The following UBE3C variants were observed in gnomAD, a reference collection of about 807,000 sequenced individuals.
The protein encoded by UBE3C is ubiquitin-protein ligase E3C.
Under a neutral mutation model 129.4 loss-of-function variants are expected in UBE3C, and 42 were observed. The ratio of observed to expected loss-of-function variants is 0.32; its 90% CI spans 0.25 to 0.42. The LOEUF is 0.42. Among genes scored for constraint, UBE3C ranks in the 10% least tolerant of loss-of-function variants. The pLI is 1.00. For missense variants in UBE3C, 1,049 were observed against 1,319.1 expected (o/e 0.80, Z 3.17); for synonymous variants, 510 against 492.4 (o/e 1.04, Z -0.47).
intron 5 of UBE3C, among the ~76,000 whole-genome samples, chr7:157,176,860 T>A (rs1808532006): frequency 6.6e-6 from 1 of 152,178 alleles, no homozygotes; most frequent in Non-Finnish European, 1.5e-5. Context: ...TGATGAGAAA[T>A]GGAATTTTAA....
intron 5 of UBE3C, among the ~76,000 whole-genome samples, chr7:157,176,517 C>T (rs1458504201): frequency 1.3e-5 from 2 of 152,194 alleles, no homozygotes; most frequent in South Asian, 2.1e-4. Flanking sequence ...TCAGGTCATC[C>T]GCCTGCCTTG....
chr7:157,167,234 C>A (rs1808242138), intron 2 of UBE3C, among the ~76,000 whole-genome samples: 1 of 151,636 alleles, frequency 6.6e-6, no homozygotes, highest in Admixed American at 6.6e-5. Context: ...CCCGACCTCA[C>A]AGGATTTTTT....
In UBE3C at chr7:157,268,455, G is replaced by T. The variant is rs1344864678; in HGVS notation, c.*700G>T. On this transcript the variant is annotated 3_prime_UTR_variant, in exon 23 of 23. Coordinates refer to ENST00000348165, the MANE Select transcript of UBE3C (RefSeq NM_014671.3). Reference sequence around the variant, plus strand: ...TGTCCTATTTCTATCTCCACTTTGTGCCTGGAGAGCTTTCAGGGGAGGTGG... The same window carrying T: ...TGTCCTATTTCTATCTCCACTTTGTTCCTGGAGAGCTTTCAGGGGAGGTGG... The T allele has an allele frequency of 1.3e-5, 2 of 152,646 alleles. No homozygotes were observed. Among genetic ancestry groups the T allele is most frequent in the African/African-American group, 4.8e-5 (2 of 41,440 alleles). The allele number at this position is 152,646 out of a possible 1,614,324, so 9.5% of individuals were successfully genotyped here.
At position 157,169,041 on chromosome 7, in the gene UBE3C, T is replaced by C. The variant is rs772459679; in HGVS notation, c.121-7T>C. 2 of 1,612,720 alleles carry C rather than the reference T, an allele frequency of 1.2e-6. No individual in the cohort carries two copies. The highest frequency in any genetic ancestry group is 1.7e-6 in the Non-Finnish European group (2 of 1,178,910). On this transcript the variant is annotated splice_region_variant and splice_polypyrimidine_tract_variant and intron_variant, in intron 2 of 22. Coordinates refer to ENST00000348165, the MANE Select transcript of UBE3C (RefSeq NM_014671.3). ...ATTGCTCCCTCACTCCTCCTTTTAT[T>C]GTTTAGGAAGAAAGGCGAAGGTTGA... is the stretch of plus-strand genomic sequence containing the variant.
chr7:157,264,497 G>A (rs1017318444), intron 22 of UBE3C, among the ~76,000 whole-genome samples: 11 of 143,230 alleles, frequency 7.7e-5, no homozygotes, highest in Non-Finnish European at 4.5e-5. Flanking sequence ...ACAGGTGTGC[G>A]CCAACATGCT....
chr7:157,248,957 G>T (rs1273636123), intron 19 of UBE3C, among the ~76,000 whole-genome samples: 5 of 152,242 alleles, frequency 3.3e-5, no homozygotes, highest in South Asian at 4.1e-4. Flanking sequence ...CACCTCAGCT[G>T]CTCCAGCACT....
intron 1 of UBE3C, among the ~76,000 whole-genome samples, chr7:157,143,388 G>A (rs557934928): frequency 3.3e-5 from 5 of 152,318 alleles, no homozygotes; most frequent in Non-Finnish European, 5.9e-5. Context: ...GGATAGGCGT[G>A]TCTGACAGAA....
chr7:157,208,053 GACTTTTTT>G (rs1809485951), intron 13 of UBE3C, 118 bp downstream of exon 13: 1 of 89,444 alleles, frequency 1.1e-5, no homozygotes, highest in East Asian at 3.8e-4. Flanking sequence ...TAATTTGCAA[GACTTTTTT>G]TTTTTTTTTT....
chr7:157,222,835 C>T (rs1795775179), intron 15 of UBE3C: 1 of 190,640 alleles, frequency 5.2e-6, no homozygotes, highest in Non-Finnish European at 1.1e-5. Context: ...GGCACCATCT[C>T]ATGCACACAC....
At chr7:157,215,253 C>A (rs1302781304) in intron 13 of UBE3C, among the ~76,000 whole-genome samples, 1 of 152,014 alleles carries the variant, frequency 6.6e-6, no homozygotes, top group Non-Finnish European at 1.5e-5. Flanking sequence ...ATTGTAGTGG[C>A]CTGAGATATC....
At chr7:157,255,066 G>C (rs995955036) in intron 21 of UBE3C, among the ~76,000 whole-genome samples, 2 of 152,138 alleles carry the variant, frequency 1.3e-5, no homozygotes, top group African/African-American at 4.8e-5. Flanking sequence ...ATCTCAGTGA[G>C]CCGAGATCAT....
chr7:157,239,624 G>A (rs1196838071), intron 18 of UBE3C, among the ~76,000 whole-genome samples: 1 of 152,176 alleles, frequency 6.6e-6, no homozygotes, highest in Non-Finnish European at 1.5e-5. Flanking sequence ...AAGAATTGGG[G>A]GACTGGTTAT....
intron 1 of UBE3C, among the ~76,000 whole-genome samples, chr7:157,149,613 C>CT (rs1807703875): frequency 6.6e-6 from 1 of 152,136 alleles, no homozygotes; most frequent in East Asian, 1.9e-4. Flanking sequence ...ATGATATCCC[C>CT]TACTTGGCTT....
intron 10 of UBE3C, among the ~76,000 whole-genome samples, chr7:157,200,737 C>G (rs866568844): frequency 6.6e-5 from 10 of 152,018 alleles, no homozygotes; most frequent in African/African-American, 2.4e-4. Flanking sequence ...TGGGCTCTAT[C>G]GATTCTCCTA....
chr7:157,211,193 A>C (rs572685471), intron 13 of UBE3C, among the ~76,000 whole-genome samples: 8 of 151,608 alleles, frequency 5.3e-5, no homozygotes, highest in South Asian at 2.1e-4. Flanking sequence ...AGAGAGAGAG[A>C]GCCATACTAT....
intron 1 of UBE3C, among the ~76,000 whole-genome samples, chr7:157,157,346 CAA>C (rs1231245025): frequency 5.3e-5 from 8 of 151,968 alleles, no homozygotes; most frequent in African/African-American, 9.7e-5. Context: ...TAAAGAGTAA[CAA>C]AGGGAATATT....
chr7:157,172,077 G>A (rs1586661446), intron 4 of UBE3C, among the ~76,000 whole-genome samples: 1 of 150,508 alleles, frequency 6.6e-6, no homozygotes, highest in Non-Finnish European at 1.5e-5. Flanking sequence ...CTGTCGCCCA[G>A]GCTGGAGTGT....
At chr7:157,170,244 A>G (rs1404930997) in intron 3 of UBE3C, 60 bp from the exon 4 acceptor site, 2 of 1,346,720 alleles carry the variant, frequency 1.5e-6, no homozygotes, top group Non-Finnish European at 1.9e-6. Context: ...TATTTACATC[A>G]TAAGAATTGT....
intron 21 of UBE3C, among the ~76,000 whole-genome samples, 180 bp downstream of exon 21, chr7:157,254,490 C>T (rs911776814): frequency 3.3e-5 from 5 of 151,654 alleles, no homozygotes; most frequent in Admixed American, 6.6e-5. Context: ...CTTTGCCTCC[C>T]GGGTTCAAGC....
Sources: gnomAD v4.1 joint callset for allele counts (sites outside exome capture counted in the v4.1 genomes callset) on GRCh38, gnomAD v4.1.1 for gene constraint, MANE v1.5 for transcripts, NCBI Gene and HGNC (gene_info 2026-07-23, HGNC 2026-07-21) for gene names.